The following TSPEAR variants were observed in gnomAD, a reference collection of about 807,000 sequenced individuals.
The protein encoded by TSPEAR is thrombospondin type laminin G domain and EAR repeats.
TSPEAR carries 69 observed loss-of-function variants against 71.6 expected under a neutral mutation model. The observed-to-expected ratio is 0.96, with a 90% CI of 0.79 to 1.18. TSPEAR has a LOEUF of 1.18. TSPEAR is among the 50% of genes most tolerant of loss of function. TSPEAR has a pLI of 0.00. For synonymous variants in TSPEAR, 402 were observed against 387.2 expected (o/e 1.04, Z -0.45); for missense variants, 971 against 894.9 (o/e 1.09, Z -1.09).
chr21:44,547,735 A>G (rs2146021233), intron 2 of TSPEAR, among the ~76,000 whole-genome samples: 1 of 152,260 alleles, frequency 6.6e-6, no homozygotes, highest in African/African-American at 2.4e-5. Context: ...ACCCCCCAGC[A>G]CTCGGCTGGG....
chr21:44,643,874 A>C (rs1165056444), intron 1 of TSPEAR, among the ~76,000 whole-genome samples: 2 of 152,264 alleles, frequency 1.3e-5, no homozygotes, highest in Non-Finnish European at 2.9e-5. Context: ...CATTTCTGTT[A>C]ACTTTGGAAA....
At chr21:44,699,200 A>AAATT (rs1269581835) in intron 1 of TSPEAR, among the ~76,000 whole-genome samples, 4 of 151,874 alleles carry the variant, frequency 2.6e-5, no homozygotes, top group Non-Finnish European at 4.4e-5. Context: ...CTGTCTCAAA[A>AAATT]AATTAATTAA....
At chr21:44,692,705 AAAG>A (rs1278875355) in intron 1 of TSPEAR, among the ~76,000 whole-genome samples, 2 of 152,194 alleles carry the variant, frequency 1.3e-5, no homozygotes, top group South Asian at 2.1e-4. Context: ...TGAAAGAATT[AAAG>A]AAGACCTAAA....
chr21:44,682,824 G>A (rs1422403838), intron 1 of TSPEAR, among the ~76,000 whole-genome samples: 1 of 152,232 alleles, frequency 6.6e-6, no homozygotes, highest in South Asian at 2.1e-4. Context: ...TGCCGAGGAG[G>A]AAGGGGCCAG....
In TSPEAR at chr21:44,522,069, CG is replaced by C; in HGVS notation, c.1379del (p.Pro460ArgfsTer109). 6.2e-7 allele frequency: 1 copy of C among 1,614,092 alleles called. No homozygotes were observed. ...NIDSVIYKWN[P>X]ATRLFEANQT... ...GGTTGGCCTCGAAGAGCCGGGTTGC[CG>C]GGTTCCACTTGTAGATGACACTGTC... On this transcript the variant is annotated frameshift_variant, in exon 9 of 12. Transcript: ENST00000323084. LOFTEE classifies it high-confidence loss of function.
At chr21:44,683,687 T>C (rs528626669) in intron 1 of TSPEAR, among the ~76,000 whole-genome samples, 46 of 79,222 alleles carry the variant, frequency 5.8e-4, no homozygotes, top group African/African-American at 2.1e-3. Flanking sequence ...AATCATCAGA[T>C]ATTAAAAGAT....
chr21:44,648,357 C>G lies in TSPEAR; in HGVS notation c.82+63076G>C, dbSNP rs144215443. On this transcript the variant is annotated intron_variant, in intron 1 of 11. Transcript: ENST00000323084. The stretch of plus-strand genomic sequence containing the variant: ...AGGCTGGGAGGGCCCAGGGAAGAAG[C>G]AACAGAACAAAAACCCCAAGAGGAC... Among the ~76,000 whole-genome samples the G allele has an allele frequency of 2.5e-4, 38 of 152,236 alleles. No homozygotes were observed. In the South Asian group the frequency reaches 7.5e-3, roughly 30 times the overall value.
intron 1 of TSPEAR, among the ~76,000 whole-genome samples, chr21:44,636,577 C>T (rs1347842133): frequency 2.6e-5 from 4 of 152,290 alleles, no homozygotes; most frequent in African/African-American, 4.8e-5. Flanking sequence ...TAAGACCAGG[C>T]GTCCGGGCAG....
intron 3 of TSPEAR, 139 bp downstream of exon 3, chr21:44,533,546 A>C: frequency 1.4e-6 from 1 of 718,054 alleles, no homozygotes. Flanking sequence ...CTGCCCCTCC[A>C]CCCCATGGCT....
intron 2 of TSPEAR, chr21:44,551,465 G>A: frequency 1.9e-6 from 3 of 1,602,618 alleles, no homozygotes; most frequent in Non-Finnish European, 2.6e-6. Flanking sequence ...CCATGCTGGA[G>A]TGGGGAGGAG....
chr21:44,703,886 G>A (rs531190975), intron 1 of TSPEAR, among the ~76,000 whole-genome samples: 38 of 152,172 alleles, frequency 2.5e-4, no homozygotes, highest in Middle Eastern at 3.4e-3. Flanking sequence ...CAGTGCCACC[G>A]CCCAGCTCCT....
chr21:44,702,071 C>T, intron 1 of TSPEAR: 1 of 725,332 alleles, frequency 1.4e-6, no homozygotes, highest in Non-Finnish European at 2.2e-6. Flanking sequence ...TAAGTGCCGT[C>T]ACACACGTTC....
In TSPEAR at chr21:44,546,122, G is replaced by C. The variant is rs2053299987; in HGVS notation, c.304-12199C>G. Among the ~76,000 whole-genome samples the C allele has an allele frequency of 6.6e-6, 1 of 152,110 alleles. No homozygotes were observed. The highest frequency in any genetic ancestry group is 6.5e-5 in the Admixed American group (1 of 15,272). ...CTACTGACCTTACATTAATAAAAAG[G>C]ATTATAAGGAATACTATGAAAATTT... On this transcript the variant is annotated intron_variant, in intron 2 of 11. Coordinates refer to ENST00000323084, the MANE Select transcript of TSPEAR (RefSeq NM_144991.3). This position sits in a 1 kb window ranked among gnomAD's most constrained non-coding sequence, Gnocchi z 4.4.
chr21:44,654,096 G>A (rs1371114192), intron 1 of TSPEAR: 1 of 613,526 alleles, frequency 1.6e-6, no homozygotes, highest in Non-Finnish European at 2.9e-6. Context: ...AGGAGAAACT[G>A]TGTAGAAAGG....
At chr21:44,633,056 T>C (rs1270681105) in intron 1 of TSPEAR, among the ~76,000 whole-genome samples, 1 of 152,276 alleles carries the variant, frequency 6.6e-6, no homozygotes, top group African/African-American at 2.4e-5. Context: ...TTTTTATCTA[T>C]ATAGGTCAGC....
chr21:44,604,623 C>T (rs781918928), intron 1 of TSPEAR, among the ~76,000 whole-genome samples: 1 of 152,194 alleles, frequency 6.6e-6, no homozygotes, highest in South Asian at 2.1e-4. Flanking sequence ...TCCAGCACCA[C>T]GTTAAATAGA....
At chr21:44,551,569 G>A in intron 2 of TSPEAR, 2 of 1,441,088 alleles carry the variant, frequency 1.4e-6, no homozygotes, top group Non-Finnish European at 1.9e-6. Context: ...GCTTTTATAT[G>A]CCCAGGGCCT....
chr21:44,702,491 C>G, intron 1 of TSPEAR: 1 of 1,608,726 alleles, frequency 6.2e-7, no homozygotes, highest in South Asian at 1.1e-5. Flanking sequence ...TGCTGCAAGC[C>G]TGTCTGTTGC....
intron 1 of TSPEAR, among the ~76,000 whole-genome samples, chr21:44,684,604 TG>T (rs1569258298): frequency 6.6e-6 from 1 of 152,214 alleles, no homozygotes; most frequent in Admixed American, 6.5e-5. Flanking sequence ...AATCCTCCCC[TG>T]CAGATGTGCG....
Sources: gnomAD v4.1 joint callset for allele counts (sites outside exome capture counted in the v4.1 genomes callset) on GRCh38, gnomAD v4.1.1 for gene constraint, Gnocchi (gnomAD v3.1) non-coding constraint, MANE v1.5 for transcripts, NCBI Gene and HGNC (gene_info 2026-07-23, HGNC 2026-07-21) for gene names.